Variants in CSMD1 observed in about 807,000 individuals in gnomAD.
The protein encoded by CSMD1 is CUB and Sushi multiple domains 1, also known as CUB and sushi domain-containing protein 1.
A neutral mutation model predicts 417.5 loss-of-function variants in CSMD1; 213 were observed. That is an observed-to-expected ratio of 0.51 (90% CI 0.46 to 0.57). CSMD1 has a LOEUF of 0.57. Among genes scored for constraint, CSMD1 ranks in the 20% least tolerant of loss-of-function variants. The pLI is 0.00. For missense variants in CSMD1, 6,923 were observed against 4,529.7 expected (o/e 1.53, Z -15.17); for synonymous variants, 2,862 against 1,736.8 (o/e 1.65, Z -16.11).
intron 3 of CSMD1, among the ~76,000 whole-genome samples, chr8:4,347,873 A>G (rs901368540): frequency 2.6e-5 from 4 of 152,220 alleles, no homozygotes; most frequent in Non-Finnish European, 5.9e-5. Context: ...GGTAATTTCC[A>G]AAGTTAATCC....
At chr8:4,024,275 G>C (rs887157646) in intron 4 of CSMD1, among the ~76,000 whole-genome samples, 1 of 152,128 alleles carries the variant, frequency 6.6e-6, no homozygotes, top group Non-Finnish European at 1.5e-5. Context: ...GTTCACAACG[G>C]ATAAAGCATG....
intron 1 of CSMD1, among the ~76,000 whole-genome samples, chr8:4,889,139 A>C (rs2116991797): frequency 6.6e-6 from 1 of 152,260 alleles, no homozygotes; most frequent in East Asian, 1.9e-4. Flanking sequence ...CAGTATTTTC[A>C]TTAATCACAA....
chr8:3,991,255 G>A (rs1432226477), intron 5 of CSMD1, among the ~76,000 whole-genome samples: 1 of 152,206 alleles, frequency 6.6e-6, no homozygotes, highest in Non-Finnish European at 1.5e-5. Context: ...CCGTACAGTA[G>A]AATTAGCTGG....
intron 12 of CSMD1, among the ~76,000 whole-genome samples, chr8:3,432,906 C>A (rs748291603): frequency 9.9e-5 from 15 of 152,174 alleles, no homozygotes; most frequent in East Asian, 1.9e-4. Context: ...CAGACACACA[C>A]AGTTACATTT....
chr8:4,824,365 C>G (rs936711493), intron 1 of CSMD1, among the ~76,000 whole-genome samples: 2 of 152,016 alleles, frequency 1.3e-5, no homozygotes, highest in African/African-American at 2.4e-5. Context: ...GAATGATATG[C>G]AGAGTTTTAA....
intron 7 of CSMD1, among the ~76,000 whole-genome samples, chr8:3,662,982 G>C (rs28565425): frequency 2.6e-5 from 4 of 152,130 alleles, no homozygotes; most frequent in Non-Finnish European, 5.9e-5. Flanking sequence ...TTCTGCACAA[G>C]TATCCCAGAA....
At chr8:4,156,503 A>G (rs1186377354) in intron 3 of CSMD1, among the ~76,000 whole-genome samples, 3 of 152,166 alleles carry the variant, frequency 2.0e-5, no homozygotes, top group African/African-American at 7.2e-5. Flanking sequence ...TATCTTCCTT[A>G]TGTGTAATAA....
chr8:3,881,861 T>G (rs375593844), intron 5 of CSMD1, among the ~76,000 whole-genome samples: 165 of 152,160 alleles, frequency 1.1e-3, no homozygotes, highest in Non-Finnish European at 1.9e-3. Flanking sequence ...GGGAAAAGGA[T>G]TGACTTCTCC....
At chr8:4,582,752 C>G (rs991292701) in intron 2 of CSMD1, among the ~76,000 whole-genome samples, 1 of 152,222 alleles carries the variant, frequency 6.6e-6, no homozygotes, top group Non-Finnish European at 1.5e-5. Context: ...TTTGGCCCAC[C>G]GCTGCACTGT....
At chr8:4,433,365 A>G (rs1352241332) in intron 2 of CSMD1, among the ~76,000 whole-genome samples, 2 of 152,162 alleles carry the variant, frequency 1.3e-5, no homozygotes, top group Non-Finnish European at 2.9e-5. Flanking sequence ...ACAACTCATA[A>G]TATCATGGAC....
chr8:4,383,655 G>T (rs1397693295), intron 3 of CSMD1, among the ~76,000 whole-genome samples: 5 of 152,104 alleles, frequency 3.3e-5, no homozygotes, highest in Admixed American at 2.6e-4. Context: ...AGTGTTCAGA[G>T]AAATATTCCA....
intron 5 of CSMD1, among the ~76,000 whole-genome samples, chr8:3,917,135 T>A (rs780301110): frequency 6.6e-6 from 1 of 152,210 alleles, no homozygotes; most frequent in African/African-American, 2.4e-5. Context: ...TCTAAGAGAA[T>A]GAGTGCTTAC....
At chr8:4,928,317 A>G (rs1221471937) in intron 1 of CSMD1, among the ~76,000 whole-genome samples, 1 of 151,898 alleles carries the variant, frequency 6.6e-6, no homozygotes, top group East Asian at 1.9e-4. Context: ...TTATTTTTCT[A>G]CGGAATTTTT....
intron 2 of CSMD1, among the ~76,000 whole-genome samples, chr8:4,426,757 A>G (rs1239957564): frequency 6.8e-6 from 1 of 147,978 alleles, no homozygotes; most frequent in Non-Finnish European, 1.5e-5. Context: ...GTAATATAGT[A>G]ATATTTTATA....
intron 27 of CSMD1, among the ~76,000 whole-genome samples, chr8:3,226,054 A>C (rs1048413482): frequency 6.6e-6 from 1 of 152,190 alleles, no homozygotes; most frequent in Non-Finnish European, 1.5e-5. Context: ...CTGGTCTTTA[A>C]CGAGACCCAT....
At chr8:4,578,682 G>A (rs972161839) in intron 2 of CSMD1, among the ~76,000 whole-genome samples, 1 of 150,724 alleles carries the variant, frequency 6.6e-6, no homozygotes, top group Non-Finnish European at 1.5e-5. Context: ...GGACATGGTG[G>A]CAGGTCCTGT....
intron 23 of CSMD1, among the ~76,000 whole-genome samples, chr8:3,309,190 G>C (rs552549761): frequency 6.6e-6 from 1 of 152,152 alleles, no homozygotes; most frequent in African/African-American, 2.4e-5. Context: ...CCAAGGAAGA[G>C]GGGCCACCTA....
intron 7 of CSMD1, among the ~76,000 whole-genome samples, chr8:3,706,133 C>G (rs1035658283): frequency 2.0e-5 from 3 of 152,242 alleles, no homozygotes; most frequent in African/African-American, 4.8e-5. Flanking sequence ...GTTCACTTCC[C>G]TCCATTTACT....
At chr8:2,993,888 T>A (rs1205431695) in intron 54 of CSMD1, among the ~76,000 whole-genome samples, 4 of 150,948 alleles carry the variant, frequency 2.6e-5, no homozygotes, top group Non-Finnish European at 5.9e-5. Flanking sequence ...GAAAACAGGC[T>A]GGGTGCAATG....
Sources: allele counts gnomAD v4.1 joint callset (sites outside exome capture counted in the v4.1 genomes callset), GRCh38; gene constraint gnomAD v4.1.1; transcripts MANE v1.5; gene names NCBI Gene and HGNC (gene_info 2026-07-23, HGNC 2026-07-21).